The following ARSB variants were observed in gnomAD, a reference collection of about 807,000 sequenced individuals.
The protein encoded by ARSB is arylsulfatase B.
Under a neutral mutation model 50.9 loss-of-function variants are expected in ARSB, and 41 were observed. That is an observed-to-expected ratio of 0.81 (90% CI 0.63 to 1.04). The LOEUF (loss-of-function observed/expected upper bound fraction) is 1.04, where lower values mean the gene tolerates loss of function less well. Among genes scored for constraint, ARSB ranks in the 50% least tolerant of loss-of-function variants. The pLI is 0.00. For missense variants in ARSB, 672 were observed against 693.3 expected, an observed-to-expected ratio of 0.97 and a Z score of 0.35; for synonymous variants, 269 against 284.8, an observed-to-expected ratio of 0.94 and a Z score of 0.56.
At chr5:78,884,719 ATG>A (rs1458045256) in intron 5 of ARSB, 1 of 152,222 alleles carries the variant, frequency 6.6e-6, no homozygotes, top group Admixed American at 6.5e-5. Context: ...CTAATATATT[ATG>A]TGTCTTAAAA....
intron 5 of ARSB, among the ~76,000 whole-genome samples, chr5:78,881,413 A>G (rs1747740012): frequency 6.6e-6 from 1 of 152,092 alleles, no homozygotes; most frequent in African/African-American, 2.4e-5. Context: ...CATAAACAAA[A>G]TAAAAAGACA....
intron 4 of ARSB, among the ~76,000 whole-genome samples, chr5:78,933,068 T>G (rs1181233143): frequency 6.6e-6 from 1 of 152,232 alleles, no homozygotes; most frequent in East Asian, 1.9e-4. Context: ...ACTGCTCATA[T>G]AAGAATGTAA....
chr5:78,969,621 T>C (rs1752363697), intron 1 of ARSB, among the ~76,000 whole-genome samples: 2 of 152,202 alleles, frequency 1.3e-5, no homozygotes, highest in Non-Finnish European at 1.5e-5. Context: ...GGTTTTGTTT[T>C]TGTTTTTGTT....
At chr5:78,963,426 G>T (rs555042701) in intron 3 of ARSB, among the ~76,000 whole-genome samples, 9 of 152,270 alleles carry the variant, frequency 5.9e-5, no homozygotes, top group Admixed American at 3.3e-4. Context: ...TGTCAAAGAG[G>T]CAAAGTGCAG....
chr5:78,859,669 T>C (rs1159804645), intron 5 of ARSB, among the ~76,000 whole-genome samples: 1 of 152,106 alleles, frequency 6.6e-6, no homozygotes, highest in Non-Finnish European at 1.5e-5. Flanking sequence ...GAAGATGGAT[T>C]TGCTTTGCCT....
chr5:78,906,905 C>T (rs1395492113), intron 4 of ARSB, among the ~76,000 whole-genome samples: 2 of 152,080 alleles, frequency 1.3e-5, no homozygotes, highest in Non-Finnish European at 2.9e-5. Flanking sequence ...GAGCATACTT[C>T]ATGTCAGGTA....
At chr5:78,807,898 C>G (rs1014395618) in intron 6 of ARSB, among the ~76,000 whole-genome samples, 5 of 151,626 alleles carry the variant, frequency 3.3e-5, no homozygotes, top group African/African-American at 1.2e-4. Flanking sequence ...TCGAGACCAT[C>G]CCGGCTAAAA....
intron 5 of ARSB, among the ~76,000 whole-genome samples, chr5:78,876,591 T>C (rs556246345): frequency 4.6e-5 from 7 of 152,172 alleles, no homozygotes; most frequent in Non-Finnish European, 1.0e-4. Context: ...AACTGAAATG[T>C]AGTCCAATGA....
rs570787646 is a variant in ARSB at position 78,840,563 on chromosome 5, C to A, written c.1143-1137G>T. Among the ~76,000 whole-genome samples the A allele has an allele frequency of 2.4e-3, 372 of 152,198 alleles. 1 individual carries two copies. The highest frequency in any genetic ancestry group is 8.7e-3 in the African/African-American group (361 of 41,526). On this transcript the variant is annotated intron_variant, in intron 5 of 7. Transcript: ENST00000264914. ...AAAACAAAATAACAAACTTCAACTA[C>A]CATCACCATTATTTTATAAAATAAA...
At chr5:78,815,885 T>C in intron 6 of ARSB, 2 of 1,420,512 alleles carry the variant, frequency 1.4e-6, no homozygotes, top group Non-Finnish European at 1.8e-6. Context: ...TAGTTTATGG[T>C]TGATCTAAGT....
chr5:78,977,166 C>CT (rs1219885876), intron 1 of ARSB, among the ~76,000 whole-genome samples: 5 of 142,704 alleles, frequency 3.5e-5, no homozygotes, highest in Non-Finnish European at 6.0e-5. Context: ...CCCACTTCCC[C>CT]CCCGCGAGAT....
intron 4 of ARSB, among the ~76,000 whole-genome samples, chr5:78,887,619 G>A (rs1748097382): frequency 6.6e-6 from 1 of 152,182 alleles, no homozygotes; most frequent in Non-Finnish European, 1.5e-5. Flanking sequence ...GGTAGTAACT[G>A]CTGTTGTTCT....
At chr5:78,921,762 T>C (rs1269561425) in intron 4 of ARSB, among the ~76,000 whole-genome samples, 4 of 152,206 alleles carry the variant, frequency 2.6e-5, no homozygotes, top group Non-Finnish European at 5.9e-5. Flanking sequence ...AAAAATATCT[T>C]GAGACATATC....
chr5:78,955,325 A>G lies in ARSB; in HGVS notation c.868T>C (p.Trp290Arg), dbSNP rs753051996. The G allele has an allele frequency of 3.1e-6, 5 of 1,614,204 alleles. No individual in the cohort carries two copies. Among genetic ancestry groups the G allele is most frequent in the Non-Finnish European group, 4.2e-6 (5 of 1,180,030 alleles). The change falls in exon 4 of 8, where the codon TGG becomes CGG. Residue 290 changes from tryptophan (W) to arginine (R), a missense_variant. Coordinates refer to ENST00000264914, the MANE Select transcript of ARSB (RefSeq NM_000046.5). ...GAAAAGATGAACACCGTGTTGTTCC[A>G]GAGCCCACTGCTTTTTAAAGCTGCA... is the stretch of plus-strand genomic sequence containing the variant. ...VTAALKSSGL[W>R]NNTVFIFSTD...
At chr5:78,831,681 GA>G (rs900690621) in intron 6 of ARSB, among the ~76,000 whole-genome samples, 1 of 152,142 alleles carries the variant, frequency 6.6e-6, no homozygotes, top group African/African-American at 2.4e-5. Context: ...CAGCATGCAT[GA>G]CCTGGTGCCT....
intron 6 of ARSB, among the ~76,000 whole-genome samples, chr5:78,787,138 A>ATCTATCTATCTATCTATC (rs3035252): frequency 2.3e-4 from 26 of 112,180 alleles, no homozygotes; most frequent in Non-Finnish European, 4.4e-4. Flanking sequence ...ATCTATCTAT[A>ATCTATCTATCTATCTATC]TAGATACAGG....
chr5:78,790,008 C>T (rs182996121), intron 6 of ARSB, among the ~76,000 whole-genome samples: 50 of 152,186 alleles, frequency 3.3e-4, no homozygotes, highest in African/African-American at 1.2e-3. Flanking sequence ...GCACAAACAG[C>T]GCTGTAGGGT....
At chr5:78,974,728 T>C (rs890611146) in intron 1 of ARSB, among the ~76,000 whole-genome samples, 1 of 152,204 alleles carries the variant, frequency 6.6e-6, no homozygotes, top group African/African-American at 2.4e-5. Context: ...AAATCTGGAA[T>C]TGTTTCTTTA....
intron 4 of ARSB, among the ~76,000 whole-genome samples, chr5:78,895,532 T>G (rs1041841049): frequency 6.6e-6 from 1 of 152,234 alleles, no homozygotes; most frequent in African/African-American, 2.4e-5. Context: ...GTGCCTGCCT[T>G]CTTCACCTGA....
Sources: allele counts gnomAD v4.1 joint callset (sites outside exome capture counted in the v4.1 genomes callset), GRCh38; gene constraint gnomAD v4.1.1; transcripts MANE v1.5; gene names NCBI Gene and HGNC (gene_info 2026-07-23, HGNC 2026-07-21).